SPATA16: variants seen among roughly 807,000 people sequenced by gnomAD.
SPATA16 encodes the protein spermatogenesis-associated protein 16.
A neutral mutation model predicts 63.3 loss-of-function variants in SPATA16; 36 were observed. That is an observed-to-expected ratio of 0.57 (90% CI 0.44 to 0.75). The LOEUF (loss-of-function observed/expected upper bound fraction) is 0.75, where lower values mean the gene tolerates loss of function less well. SPATA16 is among the 30% of genes least tolerant of loss of function. The pLI, the probability that SPATA16 is intolerant of heterozygous loss-of-function variation, is 0.00. For synonymous variants in SPATA16, 203 were observed against 216.7 expected, an observed-to-expected ratio of 0.94 and a Z score of 0.56; for missense variants, 646 against 679.3, an observed-to-expected ratio of 0.95 and a Z score of 0.54.
intron 2 of SPATA16, among the ~76,000 whole-genome samples, chr3:173,063,274 C>A (rs1340927911): frequency 1.3e-5 from 2 of 152,106 alleles, no homozygotes; most frequent in Admixed American, 1.3e-4. Context: ...TTGCATTAAT[C>A]ACTTATGTCT....
intron 8 of SPATA16, among the ~76,000 whole-genome samples, chr3:172,920,778 T>G (rs1200833278): frequency 6.6e-6 from 1 of 152,206 alleles, no homozygotes; most frequent in Non-Finnish European, 1.5e-5. Flanking sequence ...GTTTAAGTAT[T>G]GTTTAGAAAT....
chr3:173,051,872 C>T (rs1736104757), intron 2 of SPATA16, among the ~76,000 whole-genome samples: 1 of 151,634 alleles, frequency 6.6e-6, no homozygotes, highest in Non-Finnish European at 1.5e-5. Flanking sequence ...AGTGTAATGG[C>T]AGCATCTCGA....
At chr3:173,088,055 TTTC>T (rs1737115188) in intron 2 of SPATA16, among the ~76,000 whole-genome samples, 1 of 142,876 alleles carries the variant, frequency 7.0e-6, no homozygotes, top group African/African-American at 2.6e-5. Flanking sequence ...TCTTTCTTTC[TTTC>T]TTTCTTTCTT....
chr3:173,130,375 A>G (rs57430597), intron 1 of SPATA16, among the ~76,000 whole-genome samples: 3,858 of 151,124 alleles, frequency 0.026, 190 homozygotes, highest in African/African-American at 0.089. Flanking sequence ...AAAAAAAAAA[A>G]AAAAAAAAGA....
intron 2 of SPATA16, among the ~76,000 whole-genome samples, chr3:173,094,677 G>GTT (rs57224552): frequency 0.092 from 10,669 of 115,582 alleles, 575 homozygotes; most frequent in East Asian, 0.21. Flanking sequence ...TATGGGAGTT[G>GTT]TTTTTTTTTT....
intron 2 of SPATA16, among the ~76,000 whole-genome samples, chr3:173,116,575 C>T (rs961218414): frequency 6.6e-6 from 1 of 152,108 alleles, no homozygotes; most frequent in African/African-American, 2.4e-5. Context: ...TCATAAAGAT[C>T]ACTAGAATGG....
chr3:173,074,206 G>C lies in SPATA16; in HGVS notation c.613-25112C>G, dbSNP rs557879821. 7.2e-5 allele frequency among the ~76,000 whole-genome samples: 11 copies of C among 152,302 alleles called. No individual in the cohort carries two copies. In the South Asian group the frequency reaches 2.1e-3, roughly 29 times the overall value. ...CTTGTCTCAGATAAGACTTTGGACTGTGGACTTTTGAGTTAATACTGAAAT... is the reference window on the plus strand; with the variant it reads ...CTTGTCTCAGATAAGACTTTGGACTCTGGACTTTTGAGTTAATACTGAAAT... On this transcript the variant is annotated intron_variant, in intron 2 of 10. Coordinates refer to ENST00000351008, the MANE Select transcript of SPATA16 (RefSeq NM_031955.6).
intron 1 of SPATA16, among the ~76,000 whole-genome samples, chr3:173,132,071 GAC>G (rs895427334): frequency 7.5e-6 from 1 of 133,748 alleles, no homozygotes; most frequent in African/African-American, 3.0e-5. Context: ...CTATATTTAT[GAC>G]AAGAGAGTGA....
At chr3:173,094,431 T>C (rs1737300132) in intron 2 of SPATA16, among the ~76,000 whole-genome samples, 1 of 152,162 alleles carries the variant, frequency 6.6e-6, no homozygotes, top group Non-Finnish European at 1.5e-5. Flanking sequence ...GAAGATTCAG[T>C]AAATGACCAT....
intron 1 of SPATA16, among the ~76,000 whole-genome samples, chr3:173,131,011 A>G (rs985217674): frequency 2.6e-5 from 4 of 152,230 alleles, no homozygotes; most frequent in African/African-American, 7.2e-5. Context: ...TACTTTTTCA[A>G]TCATGTTTCA....
At chr3:173,115,924 A>C (rs1737887162) in intron 2 of SPATA16, among the ~76,000 whole-genome samples, 1 of 144,250 alleles carries the variant, frequency 6.9e-6, no homozygotes, top group African/African-American at 2.6e-5. Flanking sequence ...ACAGAGTCTT[A>C]CTCTGTTGCC....
At chr3:173,118,077 A>G (rs1737956109) in intron 1 of SPATA16, among the ~76,000 whole-genome samples, 2 of 152,206 alleles carry the variant, frequency 1.3e-5, no homozygotes, top group South Asian at 4.1e-4. Context: ...AGCCACTGAG[A>G]CAAGAAAAGC....
At chr3:173,100,729 A>C (rs1377331184) in intron 2 of SPATA16, among the ~76,000 whole-genome samples, 1 of 151,070 alleles carries the variant, frequency 6.6e-6, no homozygotes, top group Non-Finnish European at 1.5e-5. Flanking sequence ...TTGTTTATCA[A>C]TTTTTACAAT....
chr3:172,929,874 T>C lies in SPATA16; in HGVS notation c.1082-4382A>G, dbSNP rs370779102. Among the ~76,000 whole-genome samples, 271 of 152,348 alleles carry C rather than the reference T, an allele frequency of 1.8e-3. 2 individuals are homozygous for C. The highest frequency in any genetic ancestry group is 6.3e-3 in the African/African-American group (263 of 41,576). On this transcript the variant is annotated intron_variant, in intron 6 of 10. Coordinates refer to ENST00000351008, the MANE Select transcript of SPATA16 (RefSeq NM_031955.6). Reference sequence around the variant, plus strand: ...TTCCTCAAAAGTGATTTTCATAATCTCTACAACTTCTCTTTTCCTTTTTCT... The same window carrying C: ...TTCCTCAAAAGTGATTTTCATAATCCCTACAACTTCTCTTTTCCTTTTTCT...
chr3:172,918,311 G>T (rs1246374993), intron 8 of SPATA16, among the ~76,000 whole-genome samples: 2 of 152,196 alleles, frequency 1.3e-5, no homozygotes, highest in African/African-American at 2.4e-5. Context: ...ACAACTGCAG[G>T]CTGCTCAGGA....
intron 3 of SPATA16, among the ~76,000 whole-genome samples, chr3:173,035,840 A>G (rs1443135148): frequency 2.0e-5 from 3 of 152,020 alleles, no homozygotes; most frequent in Non-Finnish European, 2.9e-5. Flanking sequence ...ATTTGCACCA[A>G]TGTTGCAAAA....
chr3:173,023,299 C>A (rs1735379881), intron 3 of SPATA16, among the ~76,000 whole-genome samples: 1 of 151,788 alleles, frequency 6.6e-6, no homozygotes, highest in Admixed American at 6.6e-5. Flanking sequence ...TTTGATATGC[C>A]ACGTTTATTA....
intron 9 of SPATA16, among the ~76,000 whole-genome samples, chr3:172,915,059 T>C (rs1499630): frequency 0.47 from 70,852 of 151,878 alleles, 19,320 homozygotes; most frequent in South Asian, 0.67. Flanking sequence ...TCATCTAAAA[T>C]AGGCTACAAT....
rs1731846686 is a variant in SPATA16 at position 172,889,358 on chromosome 3, C to G, written c.*212G>C. On this transcript the variant is annotated 3_prime_UTR_variant, in exon 11 of 11. Transcript: ENST00000351008. ...AAACAAGAAAAATCTGAACAAAAGT[C>G]AAGTCAAACTTGCTGAGAATATTTA... The G allele has an allele frequency of 2.9e-6, 2 of 681,088 alleles. No homozygotes were observed. Among genetic ancestry groups the G allele is most frequent in the Non-Finnish European group, 4.9e-6 (2 of 408,018 alleles). The allele number at this position is 681,088 out of a possible 1,614,324, so 42.2% of individuals were successfully genotyped here.
Sources: allele counts gnomAD v4.1 joint callset (sites outside exome capture counted in the v4.1 genomes callset), GRCh38; gene constraint gnomAD v4.1.1; transcripts MANE v1.5; gene names NCBI Gene and HGNC (gene_info 2026-07-23, HGNC 2026-07-21).